SPEG: variants seen among roughly 807,000 people sequenced by gnomAD.
The protein encoded by SPEG is striated muscle preferentially expressed protein kinase.
SPEG carries 114 observed loss-of-function variants against 300.4 expected under a neutral mutation model. That is an observed-to-expected ratio of 0.38 (90% confidence interval 0.33 to 0.44). SPEG has a LOEUF of 0.44. Ranked by LOEUF, SPEG falls within the 20% of genes least tolerant of loss-of-function variation. SPEG has a pLI of 1.00. For missense variants in SPEG, 4,201 were observed against 4,586.2 expected, an observed-to-expected ratio of 0.92 and a Z score of 2.43; for synonymous variants, 1,964 against 2,018.9, an observed-to-expected ratio of 0.97 and a Z score of 0.73.
At chr2:219,461,092 C>A in intron 6 of SPEG, 1 of 902,570 alleles carries the variant, frequency 1.1e-6, no homozygotes, top group Non-Finnish European at 1.3e-6. Flanking sequence ...ATTTGGCAGT[C>A]GGATAGGAGC....
chr2:219,456,676 A>C (rs1198907118), intron 6 of SPEG, among the ~76,000 whole-genome samples: 1 of 152,178 alleles, frequency 6.6e-6, no homozygotes, highest in African/African-American at 2.4e-5. Context: ...TTGGGAGGCC[A>C]AGCAGGGTGG....
intron 34 of SPEG, 31 bp from the exon 35 acceptor site, chr2:219,489,023 G>T (rs1179473501): frequency 6.2e-7 from 1 of 1,611,140 alleles, no homozygotes; most frequent in Admixed American, 1.7e-5. Flanking sequence ...CCGCTTCTGT[G>T]ACCTCAGCCC....
At chr2:219,487,329 C>A (rs1480994148) in intron 31 of SPEG, among the ~76,000 whole-genome samples, 2 of 152,256 alleles carry the variant, frequency 1.3e-5, no homozygotes, top group African/African-American at 2.4e-5. Context: ...CTCTGGGGGT[C>A]TGTCTGCTCC....
Position 219,477,057 on chromosome 2 carries a change from C to A in SPEG, c.4560+75C>A. ...GGGGGCGTGGGAGGGTCCTGGAAGG[C>A]CTTAGGAGGGCGGAGCCCGGGCAGA... On this transcript the variant is annotated intron_variant, in intron 19 of 40. Coordinates refer to ENST00000312358, the MANE Select transcript of SPEG (RefSeq NM_005876.5). The surrounding 1 kb of genome is among the most constrained non-coding windows in gnomAD (Gnocchi z 6.4). The A allele has an allele frequency of 1.5e-6, 2 of 1,343,820 alleles. No individual in the cohort carries two copies. Among genetic ancestry groups the A allele is most frequent in the Non-Finnish European group, 2.1e-6 (2 of 974,494 alleles). The allele number at this position is 1,343,820 out of a possible 1,614,324, so 83.2% of individuals were successfully genotyped here.
intron 9 of SPEG, chr2:219,466,490 G>A: frequency 8.8e-7 from 1 of 1,141,744 alleles, no homozygotes; most frequent in Non-Finnish European, 1.1e-6. Context: ...GACAGAGTGG[G>A]AGAGATTACG....
chr2:219,477,642 C>T lies in SPEG; in HGVS notation c.4730-47C>T. 6.7e-7 allele frequency: 1 copy of T among 1,492,222 alleles called. No individual in the cohort carries two copies. Among genetic ancestry groups the T allele is most frequent in the Non-Finnish European group, 9.1e-7 (1 of 1,102,400 alleles). 92.4% of individuals were successfully genotyped at this position (1,492,222 alleles called of 1,614,324 possible). Reference sequence around the variant, plus strand: ...TCCACCTGTCCCAGTCTCTGGCCTGCTTGCTTTCTTCCCCTCCCACCTAAC... The same window carrying T: ...TCCACCTGTCCCAGTCTCTGGCCTGTTTGCTTTCTTCCCCTCCCACCTAAC... On this transcript the variant is annotated intron_variant, in intron 20 of 40. Coordinates refer to ENST00000312358, the MANE Select transcript of SPEG (RefSeq NM_005876.5). This position sits in a 1 kb window ranked among gnomAD's most constrained non-coding sequence, Gnocchi z 6.4.
Position 219,473,823 on chromosome 2 carries a change from G to T in SPEG, c.4367G>T (p.Arg1456Leu), listed in dbSNP as rs765708100. ...QYCLRICRVSRRDMGALTCTA... is the reference protein window; with the variant it reads ...QYCLRICRVSLRDMGALTCTA... The stretch of plus-strand genomic sequence containing the variant: ...TGTCTTCGGATCTGCCGGGTGAGCC[G>T]CCGGGACATGGGGGCCCTCACCTGC... Residue 1456 changes from arginine to leucine, a missense_variant, in exon 18 of 41, where the codon CGC (arginine) becomes CTC (leucine). Coordinates refer to ENST00000312358, the MANE Select transcript of SPEG (RefSeq NM_005876.5). The surrounding 1 kb of genome is among the most constrained non-coding windows in gnomAD (Gnocchi z 4.6). 6.2e-7 allele frequency: 1 copy of T among 1,613,744 alleles called. No individual in the cohort carries two copies. The highest frequency in any genetic ancestry group is 8.5e-7 in the Non-Finnish European group (1 of 1,180,042).
At chr2:219,442,515 C>T (rs981836442) in intron 1 of SPEG, among the ~76,000 whole-genome samples, 16 of 151,192 alleles carry the variant, frequency 1.1e-4, no homozygotes, top group Non-Finnish European at 2.4e-4. Flanking sequence ...CACACGGATC[C>T]GCGCTGAGCT....
rs1389474793 is a variant in SPEG, at chr2:219,483,682, G to A, written c.6219G>A (p.Arg2073=). The change falls in exon 30 of 41, where the codon CGG becomes CGA. Residue 2073 remains arginine (R), a synonymous_variant. Transcript: ENST00000312358. ...YAQRLQALRQ[R]LLRGGPEDGK... is the part of the protein sequence containing the mutation. ...AGAGGCTGCAGGCCCTGCGCCAGCG[G>A]CTGCTGCGGGGAGGCCCCGAGGATG... The A allele has an allele frequency of 1.3e-6, 2 of 1,533,860 alleles. No individual in the cohort carries two copies. Among genetic ancestry groups the A allele is most frequent in the Non-Finnish European group, 1.7e-6 (2 of 1,146,768 alleles).
chr2:219,466,143 G>A (rs1691329897), intron 9 of SPEG: 1 of 1,548,200 alleles, frequency 6.5e-7, no homozygotes, highest in Non-Finnish European at 8.7e-7. Context: ...ACCTCGCTGT[G>A]TTTCACTGCC....
intron 1 of SPEG, chr2:219,442,191 G>A (rs1178626487): frequency 7.1e-6 from 5 of 703,402 alleles, no homozygotes; most frequent in Non-Finnish European, 7.6e-6. Context: ...GCGCTGGATC[G>A]GCGCCTGCCC....
Position 219,435,048 on chromosome 2 carries a change from C to T in SPEG, c.71C>T (p.Pro24Leu), listed in dbSNP as rs755982216. 5 of 1,492,114 alleles carry T rather than the reference C, an allele frequency of 3.4e-6. No individual in the cohort carries two copies. Among genetic ancestry groups the T allele is most frequent in the South Asian group, 2.5e-5 (2 of 79,950 alleles). The allele number at this position is 1,492,114 out of a possible 1,614,324, so 92.4% of individuals were successfully genotyped here. ...TRAPPSPGVP[P>L]KRAKVGAGGG... ...GCACCCCCCAGCCCCGGAGTGCCCC[C>T]GAAAAGGGCCAAGGTGGGGGCCGGC... The change falls in exon 1 of 41, where the codon CCG becomes CTG. Residue 24 changes from proline to leucine, a missense_variant. By Grantham distance (98) the Pro-to-Leu change is moderately conservative. Coordinates refer to ENST00000312358, the MANE Select transcript of SPEG (RefSeq NM_005876.5).
At position 219,451,672 on chromosome 2, in the gene SPEG, C is replaced by T; in HGVS notation, c.2305C>T (p.Leu769Phe). ...AGCGCTGCGCAGCGAGGGCCGCCTC[C>T]TCCTCCGGGCTGAGGGTGAGCGGCA... ...GSALRSEGRL[L>F]LRAEGERHTL... is the part of the protein sequence containing the mutation. The change falls in exon 6 of 41, where the codon CTC (leucine) becomes TTC (phenylalanine). Residue 769 changes from leucine (L) to phenylalanine (F), a missense_variant. Physicochemically the swap from Leu to Phe is conservative, Grantham distance 22 (BLOSUM62 0). This residue lies in a region of SPEG where 1,258 missense variants were observed against 1,293.9 expected (regional missense o/e 0.97). Coordinates refer to ENST00000312358, the MANE Select transcript of SPEG (RefSeq NM_005876.5). The surrounding 1 kb of genome is among the most constrained non-coding windows in gnomAD (Gnocchi z 6.4). 6.3e-7 allele frequency: 1 copy of T among 1,586,558 alleles called. No homozygotes were observed. Among genetic ancestry groups the T allele is most frequent in the Non-Finnish European group, 8.6e-7 (1 of 1,168,270 alleles).
Position 219,484,547 on chromosome 2 carries a change from C to T in SPEG, c.7084C>T (p.Pro2362Ser), listed in dbSNP as rs756975550. 2 of 1,592,866 alleles carry T rather than the reference C, an allele frequency of 1.3e-6. No individual in the cohort carries two copies. The highest frequency in any genetic ancestry group is 1.7e-5 in the Admixed American group (1 of 57,316). Residue 2362 changes from proline (P) to serine (S), a missense_variant, in exon 30 of 41, where the codon CCC becomes TCC. By Grantham distance (74) the Pro-to-Ser change is moderately conservative. This residue lies in a region of SPEG where 1,578 missense variants were observed against 1,506.0 expected (regional missense o/e 1.05). Coordinates refer to ENST00000312358, the MANE Select transcript of SPEG (RefSeq NM_005876.5). ...LSRSRSEERG[P>S]FRGAEEEDGI... ...CCGTTCGCGCTCGGAGGAGCGCGGC[C>T]CCTTCCGTGGGGCCGAGGAGGAGGA...
rs1418710230 is a variant in SPEG at position 219,445,711 on chromosome 2, G to C, written c.815+550G>C. 6.3e-6 allele frequency: 1 copy of C among 158,838 alleles called. No homozygotes were observed. The highest frequency in any genetic ancestry group is 1.4e-5 in the Non-Finnish European group (1 of 71,930). The allele number at this position is 158,838 out of a possible 1,614,324, so 9.8% of individuals were successfully genotyped here. The stretch of plus-strand genomic sequence containing the variant: ...AGGTGGCCAGGGGCAGATGGGGCAA[G>C]GGGCCTGTGAAAGCAGGAGGCCATG... On this transcript the variant is annotated intron_variant, in intron 3 of 40. Transcript: ENST00000312358. This position sits in a 1 kb window ranked among gnomAD's most constrained non-coding sequence, Gnocchi z 6.1.
At position 219,464,360 on chromosome 2, in the gene SPEG, G is replaced by C; in HGVS notation, c.2706-73G>C. 6.8e-7 allele frequency: 1 copy of C among 1,466,024 alleles called. No individual in the cohort carries two copies. Among genetic ancestry groups the C allele is most frequent in the South Asian group, 1.3e-5 (1 of 79,996 alleles). The allele number at this position is 1,466,024 out of a possible 1,614,324, so 90.8% of individuals were successfully genotyped here. On this transcript the variant is annotated intron_variant, in intron 8 of 40. Transcript: ENST00000312358. The surrounding 1 kb of genome is among the most constrained non-coding windows in gnomAD (Gnocchi z 4.5). ...ACAGGGAAGGAGAGGCCTGCACAGT[G>C]CTGCAGCCCCAGTTCCTGTGCACGC...
chr2:219,472,116 C>T (rs1691930545), intron 14 of SPEG, 111 bp from the exon 15 acceptor site: 5 of 1,519,388 alleles, frequency 3.3e-6, no homozygotes, highest in Non-Finnish European at 3.6e-6. Flanking sequence ...TTGCCTTGCC[C>T]CTGCCCCTGC....
rs1187217455 is a variant in SPEG at position 219,446,035 on chromosome 2, C to T, written c.815+874C>T. ...AGGGCATTTGGGGAGCTGAGGGGGG[C>T]CTGGTTTGTGATGGGTATGGGTGTG... On this transcript the variant is annotated intron_variant, in intron 3 of 40. Transcript: ENST00000312358. Among the ~76,000 whole-genome samples, 3 of 150,502 alleles carry T rather than the reference C, an allele frequency of 2.0e-5. No individual in the cohort carries two copies. In the East Asian group the frequency reaches 5.9e-4, roughly 30 times the overall value.
intron 28 of SPEG, 48 bp from the exon 29 acceptor site, chr2:219,482,736 G>A: frequency 6.4e-7 from 1 of 1,564,444 alleles, no homozygotes; most frequent in African/African-American, 1.4e-5. Flanking sequence ...AAACCTGGAG[G>A]GTCTAGGTTG....
Sources: gnomAD v4.1 joint callset for allele counts (sites outside exome capture counted in the v4.1 genomes callset) on GRCh38, gnomAD v4.1.1 for gene constraint, gnomAD v4.1.1 regional missense constraint, Gnocchi (gnomAD v3.1) non-coding constraint, MANE v1.5 for transcripts, NCBI Gene and HGNC (gene_info 2026-07-23, HGNC 2026-07-21) for gene names.